FSTL4: variants seen among roughly 807,000 people sequenced by gnomAD.
FSTL4 encodes follistatin like 4.
Under a neutral mutation model 78.2 loss-of-function variants are expected in FSTL4, and 28 were observed. The ratio of observed to expected loss-of-function variants is 0.36; its 90% CI spans 0.27 to 0.49. The LOEUF is 0.49. Among genes scored for constraint, FSTL4 ranks in the 20% least tolerant of loss-of-function variants. The probability of loss-of-function intolerance (pLI) is 0.98; values close to 1 mark genes in which losing one functional copy is unlikely to be tolerated. For missense variants in FSTL4, 922 were observed against 1,084.9 expected (o/e 0.85, Z 2.11); for synonymous variants, 422 against 440.5 (o/e 0.96, Z 0.53).
chr5:133,758,679 A>C, the FSTL4 span, among the ~76,000 whole-genome samples: 1 of 152,238 alleles, frequency 6.6e-6, no homozygotes, highest in Non-Finnish European at 1.5e-5. Context: ...TATCTATTGC[A>C]GCGTAACAGA....
At chr5:133,290,031 C>A (rs1753222205) in intron 6 of FSTL4, among the ~76,000 whole-genome samples, 1 of 152,170 alleles carries the variant, frequency 6.6e-6, no homozygotes, top group Non-Finnish European at 1.5e-5. Context: ...TGATGGCTCT[C>A]CATCCCCGAG....
the FSTL4 span, among the ~76,000 whole-genome samples, chr5:133,727,973 A>T: frequency 6.6e-6 from 1 of 152,192 alleles, no homozygotes; most frequent in Non-Finnish European, 1.5e-5. Context: ...TAACTTACAG[A>T]CAGGTTTTGC....
chr5:133,220,307 C>A (rs1447820010), intron 12 of FSTL4, among the ~76,000 whole-genome samples: 1 of 152,236 alleles, frequency 6.6e-6, no homozygotes, highest in East Asian at 1.9e-4. Flanking sequence ...CTGGGGGAGG[C>A]CTCCTAAGGC....
chr5:133,614,375 G>C (rs1192144682), upstream of FSTL4, among the ~76,000 whole-genome samples: 1 of 152,224 alleles, frequency 6.6e-6, no homozygotes, highest in African/African-American at 2.4e-5. Context: ...CAAAGAAGGA[G>C]AAGAAGGTAG....
the FSTL4 span, among the ~76,000 whole-genome samples, chr5:133,803,522 G>A: frequency 6.6e-6 from 1 of 152,114 alleles, no homozygotes; most frequent in African/African-American, 2.4e-5. Flanking sequence ...AAGTCCAAGA[G>A]CACCTCCTGG....
the FSTL4 span, among the ~76,000 whole-genome samples, chr5:133,836,084 T>C: frequency 6.6e-6 from 1 of 152,202 alleles, no homozygotes; most frequent in African/African-American, 2.4e-5. Context: ...TTATCACATA[T>C]AAAAATATGT....
intron 3 of FSTL4, among the ~76,000 whole-genome samples, chr5:133,550,950 T>C (rs990993643): frequency 6.6e-6 from 1 of 152,222 alleles, no homozygotes; most frequent in Admixed American, 6.5e-5. Context: ...TATGTGGTCA[T>C]TGTACACTTA....
chr5:133,661,253 G>A, the FSTL4 span, among the ~76,000 whole-genome samples: 1 of 152,226 alleles, frequency 6.6e-6, no homozygotes, highest in Non-Finnish European at 1.5e-5. Flanking sequence ...GCCTCCCAAA[G>A]TGCCGGGATT....
chr5:133,251,179 C>A (rs137978134), intron 6 of FSTL4, among the ~76,000 whole-genome samples: 1 of 152,170 alleles, frequency 6.6e-6, no homozygotes, highest in Non-Finnish European at 1.5e-5. Flanking sequence ...TAGCATGACC[C>A]GGCCTTTGGA....
chr5:133,426,709 T>C lies in FSTL4; in HGVS notation c.161-25723A>G, dbSNP rs1756826116. On this transcript the variant is annotated intron_variant, in intron 3 of 15. Coordinates refer to ENST00000265342, the MANE Select transcript of FSTL4 (RefSeq NM_015082.2). The surrounding 1 kb of genome is among the most constrained non-coding windows in gnomAD (Gnocchi z 5.0). ...CAATCTCTGGCTGGAGGCACAAGCCTCAGTCCTGTTATTTCCCAGGGAGAC... is the reference window on the plus strand; with the variant it reads ...CAATCTCTGGCTGGAGGCACAAGCCCCAGTCCTGTTATTTCCCAGGGAGAC... 6.6e-6 allele frequency among the ~76,000 whole-genome samples: 1 copy of C among 152,150 alleles called. No homozygotes were observed. The highest frequency in any genetic ancestry group is 1.5e-5 in the Non-Finnish European group (1 of 68,020).
At chr5:133,749,677 G>A in the FSTL4 span, among the ~76,000 whole-genome samples, 7 of 152,188 alleles carry the variant, frequency 4.6e-5, no homozygotes, top group Admixed American at 4.6e-4. Context: ...GGGATTACTG[G>A]CCTGTTTCAC....
chr5:133,759,680 T>C, the FSTL4 span, among the ~76,000 whole-genome samples: 1 of 152,218 alleles, frequency 6.6e-6, no homozygotes, highest in African/African-American at 2.4e-5. Context: ...TCTCTAACTG[T>C]GGACCAAGGC....
chr5:133,412,106 T>A (rs1477234661), intron 3 of FSTL4, among the ~76,000 whole-genome samples: 1 of 152,134 alleles, frequency 6.6e-6, no homozygotes, highest in Non-Finnish European at 1.5e-5. Context: ...TTCTCATAAA[T>A]ACACAAATTT....
chr5:133,628,342 G>GTTTCTTTTCTTTTCT, the FSTL4 span, among the ~76,000 whole-genome samples: 10 of 149,282 alleles, frequency 6.7e-5, no homozygotes, highest in Non-Finnish European at 1.2e-4. Context: ...TTTTTTGTTT[G>GTTTCTTTTCTTTTCT]TTTCTTTTCT....
intron 1 of FSTL4, among the ~76,000 whole-genome samples, chr5:133,610,225 G>C (rs1308332183): frequency 6.6e-6 from 1 of 152,086 alleles, no homozygotes; most frequent in African/African-American, 2.4e-5. Flanking sequence ...ACAGCCGAAA[G>C]GATAAAAGTT....
chr5:133,330,537 T>C (rs1754320118), intron 4 of FSTL4, among the ~76,000 whole-genome samples: 1 of 152,084 alleles, frequency 6.6e-6, no homozygotes, highest in Non-Finnish European at 1.5e-5. Context: ...TTCATGAGAA[T>C]CCCACCCCCA....
chr5:133,783,948 T>C, the FSTL4 span, among the ~76,000 whole-genome samples: 2 of 128,786 alleles, frequency 1.6e-5, no homozygotes, highest in Non-Finnish European at 3.2e-5. Context: ...TCCTACCACA[T>C]AGGCCTCCTT....
At chr5:133,750,270 G>C in the FSTL4 span, among the ~76,000 whole-genome samples, 1 of 152,180 alleles carries the variant, frequency 6.6e-6, no homozygotes, top group Non-Finnish European at 1.5e-5. Context: ...GCAAGTGCTT[G>C]CTCCATGAAG....
At chr5:133,287,530 T>C (rs553874754) in intron 6 of FSTL4, among the ~76,000 whole-genome samples, 135 of 152,254 alleles carry the variant, frequency 8.9e-4, no homozygotes, top group African/African-American at 3.1e-3. Context: ...TGGCCTATGA[T>C]GGAGGCCGCA....
Sources: gnomAD v4.1 joint callset for allele counts (sites outside exome capture counted in the v4.1 genomes callset) on GRCh38, gnomAD v4.1.1 for gene constraint, Gnocchi (gnomAD v3.1) non-coding constraint, MANE v1.5 for transcripts, NCBI Gene and HGNC (gene_info 2026-07-23, HGNC 2026-07-21) for gene names.